The following ENPP3 variants were observed in gnomAD, a reference collection of about 807,000 sequenced individuals.
The protein encoded by ENPP3 is ectonucleotide pyrophosphatase/phosphodiesterase 3, also known as ectonucleotide pyrophosphatase/phosphodiesterase family member 3.
A neutral mutation model predicts 117.8 loss-of-function variants in ENPP3; 104 were observed. That is an observed-to-expected ratio of 0.88 (90% CI 0.75 to 1.04). The LOEUF (loss-of-function observed/expected upper bound fraction) is 1.04. Among genes scored for constraint, ENPP3 ranks in the 50% least tolerant of loss-of-function variants. ENPP3 has a pLI of 0.00. For missense variants in ENPP3, 1,026 were observed against 1,051.9 expected, an observed-to-expected ratio of 0.98 and a Z score of 0.34; for synonymous variants, 380 against 349.9, an observed-to-expected ratio of 1.09 and a Z score of -0.96.
At chr6:131,674,944 C>T in intron 8 of ENPP3, 136 bp from the exon 9 acceptor site, 1 of 581,236 alleles carries the variant, frequency 1.7e-6, no homozygotes, top group Admixed American at 3.0e-5. Flanking sequence ...ATAATTATAT[C>T]TTTTAATTAC....
intron 15 of ENPP3, 36 bp downstream of exon 15, chr6:131,693,660 T>C: frequency 6.3e-7 from 1 of 1,592,734 alleles, no homozygotes; most frequent in Non-Finnish European, 8.6e-7. Context: ...ATAATGCCTT[T>C]AATAACCATT....
Position 131,637,319 on chromosome 6 carries a change from C to G in ENPP3, c.-66C>G. 1 of 998,080 alleles carries G rather than the reference C, an allele frequency of 1.0e-6. No homozygotes were observed. Among genetic ancestry groups the G allele is most frequent in the South Asian group, 2.0e-5 (1 of 51,250 alleles). The allele number at this position is 998,080 out of a possible 1,614,324, so 61.8% of individuals were successfully genotyped here. On this transcript the variant is annotated 5_prime_UTR_variant, in exon 1 of 25. Coordinates refer to ENST00000357639, the MANE Select transcript of ENPP3 (RefSeq NM_005021.5). ...TGTAACTCATACAGTTTCTCTTTGCCAGACTAGACTAAAGAAGGAGCACTA... is the reference window on the plus strand; with the variant it reads ...TGTAACTCATACAGTTTCTCTTTGCGAGACTAGACTAAAGAAGGAGCACTA...
chr6:131,640,602 T>C (rs1778021375), intron 1 of ENPP3, among the ~76,000 whole-genome samples: 1 of 152,236 alleles, frequency 6.6e-6, no homozygotes. Flanking sequence ...GATGTTTTTT[T>C]CTTTTGTGAA....
intron 1 of ENPP3, among the ~76,000 whole-genome samples, chr6:131,640,972 A>G (rs1454543152): frequency 6.6e-6 from 1 of 152,186 alleles, no homozygotes; most frequent in Non-Finnish European, 1.5e-5. Context: ...TATTTGGACA[A>G]TGTATTTTTA....
At chr6:131,746,647 C>A in intron 24 of ENPP3, 139 bp from the exon 25 acceptor site, 1 of 633,448 alleles carries the variant, frequency 1.6e-6, no homozygotes, top group Admixed American at 3.5e-5. Flanking sequence ...TTTTTAAAAA[C>A]TAAATTTAGC....
chr6:131,675,220 C>T, intron 9 of ENPP3, 31 bp downstream of exon 9: 1 of 1,271,872 alleles, frequency 7.9e-7, no homozygotes, highest in East Asian at 2.3e-5. Flanking sequence ...ATTCTCCCAG[C>T]TAGGCAGAAA....
At chr6:131,727,639 G>GAT (rs1207705561) in intron 20 of ENPP3, among the ~76,000 whole-genome samples, 2 of 151,012 alleles carry the variant, frequency 1.3e-5, no homozygotes, top group Non-Finnish European at 2.9e-5. Flanking sequence ...GGGCAGGGAT[G>GAT]ATTTTATTTA....
intron 5 of ENPP3, among the ~76,000 whole-genome samples, chr6:131,657,973 G>A (rs1313850698): frequency 1.3e-5 from 2 of 151,928 alleles, no homozygotes; most frequent in African/African-American, 4.8e-5. Context: ...GACCAGCCTG[G>A]CCAACGTGGT....
intron 1 of ENPP3, 89 bp from the exon 2 acceptor site, chr6:131,641,366 C>T (rs571454333): frequency 3.8e-6 from 3 of 783,758 alleles, no homozygotes; most frequent in Non-Finnish European, 6.4e-6. Context: ...GCTGCAGGTA[C>T]TTAGAGAGAA....
At chr6:131,649,219 C>T (rs1279052998) in intron 2 of ENPP3, among the ~76,000 whole-genome samples, 1 of 152,104 alleles carries the variant, frequency 6.6e-6, no homozygotes, top group Non-Finnish European at 1.5e-5. Flanking sequence ...TCCATCCCTA[C>T]CCTACTCACC....
rs777549399 is a variant in ENPP3, at chr6:131,675,146, G to A, written c.829G>A (p.Ala277Thr). 3 of 1,613,420 alleles carry A rather than the reference G, an allele frequency of 1.9e-6. No individual in the cohort carries two copies. Among genetic ancestry groups the A allele is most frequent in the Non-Finnish European group, 2.5e-6 (3 of 1,179,442 alleles). The change falls in exon 9 of 25, where the codon GCT becomes ACT. Residue 277 changes from alanine (A) to threonine (T), a missense_variant. Coordinates refer to ENST00000357639, the MANE Select transcript of ENPP3 (RefSeq NM_005021.5). Reference sequence around the variant, plus strand: ...CTACTTTTGGCCCGGATCAGAAGTGGCTATAAATGGCTCCTTTCCTTCCAT... The same window carrying A: ...CTACTTTTGGCCCGGATCAGAAGTGACTATAAATGGCTCCTTTCCTTCCAT... ...ATYFWPGSEV[A>T]INGSFPSIYM...
At chr6:131,721,004 A>G (rs954041752) in intron 17 of ENPP3, among the ~76,000 whole-genome samples, 1 of 152,172 alleles carries the variant, frequency 6.6e-6, no homozygotes, top group African/African-American at 2.4e-5. Flanking sequence ...AGCAAGACAA[A>G]CTTACCTAAA....
chr6:131,724,223 A>G, intron 19 of ENPP3, 132 bp downstream of exon 19: 3 of 615,046 alleles, frequency 4.9e-6, no homozygotes, highest in Non-Finnish European at 8.4e-6. Context: ...AATATACAAA[A>G]GGTAAAAAAA....
At chr6:131,702,026 A>T (rs9493059) in intron 15 of ENPP3, among the ~76,000 whole-genome samples, 10,424 of 104,656 alleles carry the variant, frequency 0.1, 560 homozygotes, top group African/African-American at 0.2. Context: ...GTCTTTTTTT[A>T]AAAAAAATTT....
At chr6:131,652,155 C>T (rs1385229538) in intron 3 of ENPP3, among the ~76,000 whole-genome samples, 1 of 152,214 alleles carries the variant, frequency 6.6e-6, no homozygotes, top group Non-Finnish European at 1.5e-5. Flanking sequence ...CTGTTGTCAC[C>T]TTTTCTTCCT....
At chr6:131,674,564 G>A (rs1445444121) in intron 8 of ENPP3, among the ~76,000 whole-genome samples, 1 of 151,030 alleles carries the variant, frequency 6.6e-6, no homozygotes, top group Non-Finnish European at 1.5e-5. Context: ...ATTTTGTTTT[G>A]TAAGTCTTTT....
Position 131,726,383 on chromosome 6 carries a change from A to G in ENPP3, c.1953+183A>G, listed in dbSNP as rs77627858. Among the ~76,000 whole-genome samples, 1,062 of 152,334 alleles carry G rather than the reference A, an allele frequency of 7.0e-3. 6 individuals are homozygous for G. The highest frequency in any genetic ancestry group is 0.012 in the Non-Finnish European group (811 of 68,034). ...TATAGGTGCTACACGGGTGCAAAAG[A>G]GGAACACATTGTGTTTTACCTGGAG... On this transcript the variant is annotated intron_variant, in intron 20 of 24. Coordinates refer to ENST00000357639, the MANE Select transcript of ENPP3 (RefSeq NM_005021.5).
chr6:131,724,230 A>G (rs923543083), intron 19 of ENPP3, 139 bp downstream of exon 19: 8 of 611,732 alleles, frequency 1.3e-5, no homozygotes, highest in African/African-American at 3.8e-5. Flanking sequence ...AAAAGGTAAA[A>G]AAAAAAAAAC....
Position 131,721,545 on chromosome 6 carries a change from T to C in ENPP3, c.1568-682T>C, listed in dbSNP as rs1780031417. Among the ~76,000 whole-genome samples the C allele has an allele frequency of 1.1e-4, 17 of 152,140 alleles. No individual in the cohort carries two copies. The South Asian group carries it at 3.3e-3, about 30-fold the overall frequency. The stretch of plus-strand genomic sequence containing the variant: ...AGGCTATGTTGGTGAAATATTTGTA[T>C]GTTTCATAGAAACATACAAACATGC... On this transcript the variant is annotated intron_variant, in intron 17 of 24. Coordinates refer to ENST00000357639, the MANE Select transcript of ENPP3 (RefSeq NM_005021.5).
Sources: allele counts gnomAD v4.1 joint callset (sites outside exome capture counted in the v4.1 genomes callset), GRCh38; gene constraint gnomAD v4.1.1; transcripts MANE v1.5; gene names NCBI Gene and HGNC (gene_info 2026-07-23, HGNC 2026-07-21).